ZNF487: variants seen among roughly 807,000 people sequenced by gnomAD.
ZNF487 encodes KRAB domain only 1.
Under a neutral mutation model 3.0 loss-of-function variants are expected in ZNF487, and 4 were observed. That is an observed-to-expected ratio of 1.35 (90% confidence interval 0.66 to 3.08). The LOEUF (loss-of-function observed/expected upper bound fraction) is 3.08, where lower values mean the gene tolerates loss of function less well. Among genes scored for constraint, ZNF487 ranks in the 30% most tolerant of loss-of-function variants. The pLI is 0.01. For missense variants in ZNF487, 146 were observed against 98.7 expected (o/e 1.48, Z -2.03); for synonymous variants, 55 against 34.6 (o/e 1.59, Z -2.06).
the ZNF487 span, among the ~76,000 whole-genome samples, chr10:43,509,579 A>G: frequency 1.3e-5 from 2 of 151,960 alleles, no homozygotes; most frequent in East Asian, 1.9e-4. Context: ...CAACTTCCAA[A>G]AGGATTAGTT....
In ZNF487 at chr10:43,475,801, G is replaced by C. The variant is rs766451125; in HGVS notation, c.-13G>C. 2.6e-6 allele frequency: 2 copies of C among 780,610 alleles called. No homozygotes were observed. The highest frequency in any genetic ancestry group is 3.4e-5 in the African/African-American group (2 of 59,234). 48.4% of individuals were successfully genotyped at this position (780,610 alleles called of 1,614,324 possible). A position where few individuals can be genotyped will look rare whatever the true frequency, so the allele number is the denominator to read the frequency against. On this transcript the variant is annotated 5_prime_UTR_variant, in exon 2 of 4. Transcript: ENST00000437590. ...ATCTGGACTCTGCTCAGAGGACCCC[G>C]TACAGAGACATGATGCTGGAGAACT... is the stretch of plus-strand genomic sequence containing the variant.
At chr10:43,462,192 C>A (rs1446444243) in intron 1 of ZNF487, among the ~76,000 whole-genome samples, 1 of 152,064 alleles carries the variant, frequency 6.6e-6, no homozygotes, top group Non-Finnish European at 1.5e-5. Flanking sequence ...GCTCTGTTGC[C>A]CAGGCTGGAG....
chr10:43,478,891 C>G lies in ZNF487; in HGVS notation c.131-2538C>G, dbSNP rs539521631. On this transcript the variant is annotated intron_variant, in intron 3 of 3. Transcript: ENST00000437590. ...TTAGCTTTTGAGTTTATTTTTGATG[C>G]AGTTCTTTTTTCTTTTTTCTTTTTT... is the stretch of plus-strand genomic sequence containing the variant. Among the ~76,000 whole-genome samples, 22 of 150,214 alleles carry G rather than the reference C, an allele frequency of 1.5e-4. No homozygotes were observed. In the South Asian group the frequency reaches 4.6e-3, roughly 32 times the overall value.
At chr10:43,496,073 C>T in the ZNF487 span, 19 of 534,350 alleles carry the variant, frequency 3.6e-5, no homozygotes, top group Middle Eastern at 3.2e-4. Context: ...GTGGTAGCAT[C>T]TGGGCCCTAT....
At chr10:43,447,899 CTGGGG>C (rs1346981200) in intron 1 of ZNF487, among the ~76,000 whole-genome samples, 1 of 151,838 alleles carries the variant, frequency 6.6e-6, no homozygotes. Context: ...AGTCAGTTAG[CTGGGG>C]CACTTGTAGG....
intron 1 of ZNF487, among the ~76,000 whole-genome samples, chr10:43,470,780 A>C (rs61859965): frequency 6.6e-6 from 1 of 151,864 alleles, no homozygotes; most frequent in Non-Finnish European, 1.5e-5. Flanking sequence ...TGACCTCCCA[A>C]AGTGTTGGGA....
the ZNF487 span, among the ~76,000 whole-genome samples, chr10:43,519,469 G>GTT: frequency 3.7e-4 from 52 of 140,216 alleles, no homozygotes; most frequent in African/African-American, 6.0e-4. Flanking sequence ...TAAAATGTAA[G>GTT]TTTTTTTTTT....
downstream of ZNF487, among the ~76,000 whole-genome samples, chr10:43,483,383 G>A (rs185144172): frequency 1.6e-4 from 25 of 152,266 alleles, no homozygotes; most frequent in African/African-American, 5.5e-4. Flanking sequence ...TGGGATTACA[G>A]GCATGCGCCA....
chr10:43,442,307 G>A (rs1463775918), intron 1 of ZNF487, among the ~76,000 whole-genome samples: 2 of 151,906 alleles, frequency 1.3e-5, no homozygotes, highest in East Asian at 3.8e-4. Context: ...CTGTGAATTT[G>A]ATAGGAAAAA....
the ZNF487 span, among the ~76,000 whole-genome samples, chr10:43,510,668 C>T: frequency 6.6e-6 from 1 of 152,198 alleles, no homozygotes; most frequent in Non-Finnish European, 1.5e-5. Flanking sequence ...CTGCCTCAGC[C>T]TCCTGAGTAG....
rs1195796385 is a variant in ZNF487, at chr10:43,481,545, G to A, written c.247G>A (p.Gly83Arg). Residue 83 changes from glycine (G) to arginine (R), a missense_variant, in exon 4 of 4, where the codon GGA becomes AGA. Transcript: ENST00000437590. Reference protein sequence around the residue: ...TLTMDRNGVLGKTFSLDTNPI... With the variant: ...TLTMDRNGVLRKTFSLDTNPI... ...GACTATGGACAGAAATGGTGTATTA[G>A]GAAAAACATTTTCTCTTGACACAAA... The A allele has an allele frequency of 1.4e-6, 1 of 711,014 alleles. No homozygotes were observed. The highest frequency in any genetic ancestry group is 2.6e-6 in the Non-Finnish European group (1 of 383,498). 44.0% of individuals were successfully genotyped at this position (711,014 alleles called of 1,614,324 possible). A position where few individuals can be genotyped will look rare whatever the true frequency, so the allele number is the denominator to read the frequency against.
chr10:43,438,406 G>A (rs1455484897), intron 1 of ZNF487, among the ~76,000 whole-genome samples: 2 of 152,048 alleles, frequency 1.3e-5, no homozygotes, highest in African/African-American at 4.8e-5. Flanking sequence ...GGCTGGTCTC[G>A]AATTATTGAC....
intron 1 of ZNF487, among the ~76,000 whole-genome samples, chr10:43,457,758 C>T (rs1320280778): frequency 1.3e-5 from 2 of 149,898 alleles, no homozygotes; most frequent in African/African-American, 4.9e-5. Flanking sequence ...CAGGGTGGCT[C>T]ATGCCTGTAA....
the ZNF487 span, among the ~76,000 whole-genome samples, chr10:43,520,420 T>C: frequency 6.6e-6 from 1 of 152,212 alleles, no homozygotes; most frequent in Non-Finnish European, 1.5e-5. Flanking sequence ...GCAAGAAGTT[T>C]AAGGTTTGTG....
At chr10:43,511,220 C>T in the ZNF487 span, among the ~76,000 whole-genome samples, 1 of 152,198 alleles carries the variant, frequency 6.6e-6, no homozygotes, top group Non-Finnish European at 1.5e-5. Context: ...ATATTTGTGA[C>T]TTCAAAAGGC....
At chr10:43,489,499 G>A in the ZNF487 span, among the ~76,000 whole-genome samples, 23 of 152,112 alleles carry the variant, frequency 1.5e-4, no homozygotes, top group South Asian at 3.5e-3. Flanking sequence ...GTTTATAGGC[G>A]CCGGCCACCA....
the ZNF487 span, among the ~76,000 whole-genome samples, chr10:43,504,549 C>G: frequency 6.6e-6 from 1 of 152,024 alleles, no homozygotes; most frequent in Admixed American, 6.6e-5. Context: ...CCCATCTCAG[C>G]CTCCCAAAGT....
intron 1 of ZNF487, among the ~76,000 whole-genome samples, chr10:43,466,158 G>A (rs1468913209): frequency 4.0e-5 from 1 of 25,210 alleles, no homozygotes; most frequent in Non-Finnish European, 8.4e-5. Context: ...GCTTCGGCTC[G>A]GCATCAGAGG....
chr10:43,489,133 C>A, the ZNF487 span, among the ~76,000 whole-genome samples: 4 of 151,914 alleles, frequency 2.6e-5, no homozygotes, highest in South Asian at 4.2e-4. Context: ...CACTCCCCAA[C>A]TTCTTGGAGA....
Sources: gnomAD v4.1 joint callset for allele counts (sites outside exome capture counted in the v4.1 genomes callset) on GRCh38, gnomAD v4.1.1 for gene constraint, MANE v1.5 for transcripts, NCBI Gene and HGNC (gene_info 2026-07-23, HGNC 2026-07-21) for gene names.